The following MYT1L variants were observed in gnomAD, a reference collection of about 807,000 sequenced individuals.
The protein encoded by MYT1L is myelin transcription factor 1 like.
In MYT1L, 12 loss-of-function variants were observed where a neutral mutation model predicts 126.7. The ratio of observed to expected loss-of-function variants is 0.09; its 90% CI spans 0.06 to 0.15. The LOEUF (loss-of-function observed/expected upper bound fraction) is 0.15, where lower values mean the gene tolerates loss of function less well. MYT1L is among the 10% of genes least tolerant of loss of function. MYT1L has a pLI of 1.00. For synonymous variants in MYT1L, 541 were observed against 604.2 expected, an observed-to-expected ratio of 0.90 and a Z score of 1.53; for missense variants, 979 against 1,585.2, an observed-to-expected ratio of 0.62 and a Z score of 6.49.
intron 5 of MYT1L, among the ~76,000 whole-genome samples, chr2:1,992,949 C>A (rs114907501): frequency 2.4e-3 from 372 of 152,300 alleles, no homozygotes; most frequent in African/African-American, 8.6e-3. Context: ...GATCAATAAA[C>A]TGGCTCATCT....
intron 2 of MYT1L, among the ~76,000 whole-genome samples, chr2:2,187,751 C>A (rs1325755334): frequency 6.6e-6 from 1 of 152,094 alleles, no homozygotes; most frequent in African/African-American, 2.4e-5. Flanking sequence ...ATATATCTTA[C>A]TGGATAAGTT....
chr2:2,026,969 A>C (rs546793112), intron 4 of MYT1L, among the ~76,000 whole-genome samples: 13 of 152,240 alleles, frequency 8.5e-5, no homozygotes, highest in Non-Finnish European at 1.8e-4. Flanking sequence ...CACAGGACAA[A>C]GCTCAAGAGC....
intron 8 of MYT1L, among the ~76,000 whole-genome samples, chr2:1,973,939 G>A (rs537028580): frequency 1.2e-4 from 18 of 152,326 alleles, no homozygotes; most frequent in Admixed American, 5.2e-4. Context: ...AAACTGCTAC[G>A]AGGGTGAGGA....
chr2:2,283,475 A>C (rs940102377), intron 2 of MYT1L, among the ~76,000 whole-genome samples: 3 of 152,222 alleles, frequency 2.0e-5, no homozygotes, highest in African/African-American at 7.2e-5. Context: ...TGAAAAGTAT[A>C]ATTTTTGAAC....
At chr2:2,078,470 T>A (rs1204851668) in intron 3 of MYT1L, among the ~76,000 whole-genome samples, 4 of 152,160 alleles carry the variant, frequency 2.6e-5, no homozygotes, top group African/African-American at 7.2e-5. Flanking sequence ...AAGCCACAAA[T>A]AATTTGAAAG....
chr2:2,216,021 T>A (rs2093666081), intron 2 of MYT1L, among the ~76,000 whole-genome samples: 1 of 151,718 alleles, frequency 6.6e-6, no homozygotes. Context: ...TCTTTCTCTC[T>A]CTCTTTTGTG....
intron 4 of MYT1L, among the ~76,000 whole-genome samples, chr2:2,021,955 C>T (rs1299555031): frequency 6.6e-6 from 1 of 152,154 alleles, no homozygotes; most frequent in African/African-American, 2.4e-5. Context: ...AGACATCATG[C>T]TTGCACAGCA....
chr2:2,120,059 C>T (rs2080776743), intron 3 of MYT1L, among the ~76,000 whole-genome samples: 1 of 152,110 alleles, frequency 6.6e-6, no homozygotes, highest in Admixed American at 6.6e-5. Context: ...TTGCCCAGCT[C>T]GTTACAAAAT....
intron 1 of MYT1L, among the ~76,000 whole-genome samples, chr2:2,314,578 C>T (rs1337233776): frequency 6.6e-6 from 1 of 152,092 alleles, no homozygotes; most frequent in Non-Finnish European, 1.5e-5. Context: ...ATTTTAAGTT[C>T]TGGGATACAT....
chr2:1,923,036 G>A lies in MYT1L; in HGVS notation c.733C>T (p.Arg245Trp), dbSNP rs774578029. The part of the protein sequence containing the change: ...DDSDKNENLG[R>W]KSELSLDLDS... Reference sequence around the variant, plus strand: ...AAGTCTAAACTCAACTCACTTTTCCGACCCAGGTTTTCGTTTTTGTCACTA... The same window carrying A: ...AAGTCTAAACTCAACTCACTTTTCCAACCCAGGTTTTCGTTTTTGTCACTA... Residue 245 changes from arginine to tryptophan, a missense_variant, in exon 10 of 25, where the codon CGG becomes TGG. Arg to Trp is a moderately radical substitution (Grantham distance 101, BLOSUM62 -3). Transcript: ENST00000647738. The A allele has an allele frequency of 3.7e-6, 6 of 1,613,860 alleles. No homozygotes were observed. The highest frequency in any genetic ancestry group is 2.2e-5 in the East Asian group (1 of 44,868).
chr2:1,873,787 C>T (rs543590261), intron 18 of MYT1L, among the ~76,000 whole-genome samples: 5 of 152,200 alleles, frequency 3.3e-5, no homozygotes, highest in Admixed American at 2.6e-4. Flanking sequence ...TAGAAAAACT[C>T]GACAAATAGA....
chr2:2,274,443 A>G (rs1188624733), intron 2 of MYT1L, among the ~76,000 whole-genome samples: 3 of 152,148 alleles, frequency 2.0e-5, no homozygotes, highest in African/African-American at 4.8e-5. Context: ...ATTTACTTAC[A>G]ACATAAACTG....
At chr2:1,975,803 T>G (rs1393896566) in intron 8 of MYT1L, among the ~76,000 whole-genome samples, 6 of 152,150 alleles carry the variant, frequency 3.9e-5, no homozygotes, top group African/African-American at 1.4e-4. Flanking sequence ...GACAGAGGTT[T>G]CAGTGAGCTT....
chr2:1,955,456 C>A (rs750778876), intron 8 of MYT1L, among the ~76,000 whole-genome samples: 6 of 152,090 alleles, frequency 3.9e-5, no homozygotes, highest in Non-Finnish European at 7.3e-5. Context: ...TACATACACA[C>A]CACACTACAC....
At chr2:2,112,867 G>A (rs993294870) in intron 3 of MYT1L, among the ~76,000 whole-genome samples, 6 of 152,288 alleles carry the variant, frequency 3.9e-5, no homozygotes, top group Non-Finnish European at 7.3e-5. Flanking sequence ...CCCGCGAGTC[G>A]CACAGTGGTG....
intron 5 of MYT1L, among the ~76,000 whole-genome samples, chr2:1,986,964 A>G (rs1230570224): frequency 6.6e-6 from 1 of 152,248 alleles, no homozygotes; most frequent in South Asian, 2.1e-4. Context: ...ACATCAAGTC[A>G]GGTGCCCTTC....
At chr2:1,799,013 C>T (rs2034338220) in intron 23 of MYT1L, among the ~76,000 whole-genome samples, 1 of 152,180 alleles carries the variant, frequency 6.6e-6, no homozygotes, top group Non-Finnish European at 1.5e-5. Context: ...CACAGAACAA[C>T]TTCTGGGCTG....
rs575307935 is a variant in MYT1L, at chr2:2,310,940, C to A, written c.-521+20027G>T. On this transcript the variant is annotated intron_variant, in intron 1 of 24. Transcript: ENST00000647738. Reference sequence around the variant, plus strand: ...CAACAACATTCCTTTACCCAACTATCCAACCAAAGAAAATATAAAACAAAC... The same window carrying A: ...CAACAACATTCCTTTACCCAACTATACAACCAAAGAAAATATAAAACAAAC... Among the ~76,000 whole-genome samples the A allele has an allele frequency of 2.0e-3, 308 of 152,286 alleles. 1 individual carries two copies. Among genetic ancestry groups the A allele is most frequent in the African/African-American group, 6.0e-3 (251 of 41,560 alleles).
chr2:2,090,390 G>A (rs1391047504), intron 3 of MYT1L, among the ~76,000 whole-genome samples: 2 of 152,294 alleles, frequency 1.3e-5, no homozygotes, highest in African/African-American at 4.8e-5. Context: ...CTATACTGTA[G>A]TCTATTAAGT....
Sources: allele counts gnomAD v4.1 joint callset (sites outside exome capture counted in the v4.1 genomes callset), GRCh38; gene constraint gnomAD v4.1.1; transcripts MANE v1.5; gene names NCBI Gene and HGNC (gene_info 2026-07-23, HGNC 2026-07-21).